Variants in FREM2 observed in about 807,000 individuals in gnomAD.
FREM2 encodes the protein FRAS1 related extracellular matrix 2.
A neutral mutation model predicts 219.9 loss-of-function variants in FREM2; 119 were observed. The ratio of observed to expected loss-of-function variants is 0.54; its 90% confidence interval spans 0.47 to 0.63. FREM2 has a LOEUF of 0.63. Among genes scored for constraint, FREM2 ranks in the 30% least tolerant of loss-of-function variants. The probability of loss-of-function intolerance (pLI) is 0.00; values close to 1 mark genes in which losing one functional copy is unlikely to be tolerated. For synonymous variants in FREM2, 1,562 were observed against 1,522.8 expected, an observed-to-expected ratio of 1.03 and a Z score of -0.60; for missense variants, 4,030 against 3,993.6, an observed-to-expected ratio of 1.01 and a Z score of -0.25.
At chr13:38,849,358 C>T (rs1877284899) in intron 8 of FREM2, among the ~76,000 whole-genome samples, 1 of 152,182 alleles carries the variant, frequency 6.6e-6, no homozygotes, top group Non-Finnish European at 1.5e-5. Flanking sequence ...ACTGCACAGA[C>T]TCCTGAGTGT....
chr13:38,727,685 G>T (rs1168667291), intron 2 of FREM2, among the ~76,000 whole-genome samples: 1 of 152,218 alleles, frequency 6.6e-6, no homozygotes, highest in Non-Finnish European at 1.5e-5. Flanking sequence ...TGTGCACCAA[G>T]TACATTACAA....
intron 8 of FREM2, 47 bp downstream of exon 8, chr13:38,848,717 A>G: frequency 6.8e-7 from 1 of 1,459,986 alleles, no homozygotes; most frequent in Non-Finnish European, 9.5e-7. Flanking sequence ...TTGAAATCAT[A>G]AGCTAAGGTT....
intron 2 of FREM2, among the ~76,000 whole-genome samples, chr13:38,705,982 G>A (rs959503738): frequency 3.9e-5 from 6 of 152,246 alleles, no homozygotes; most frequent in South Asian, 2.1e-4. Context: ...TCAATGCTAC[G>A]GAGGCTTCCA....
intron 2 of FREM2, among the ~76,000 whole-genome samples, chr13:38,704,492 A>C (rs573909103): frequency 2.6e-5 from 4 of 152,342 alleles, no homozygotes; most frequent in African/African-American, 9.6e-5. Context: ...TCCAGGTGGC[A>C]GCAAAAGCAT....
chr13:38,779,239 A>C (rs796884143), intron 4 of FREM2, among the ~76,000 whole-genome samples: 3 of 152,050 alleles, frequency 2.0e-5, no homozygotes, highest in African/African-American at 4.8e-5. Context: ...GGGTGGAGGG[A>C]AAGGGGAGGG....
intron 2 of FREM2, among the ~76,000 whole-genome samples, chr13:38,762,365 A>G (rs529990808): frequency 6.6e-6 from 1 of 152,276 alleles, no homozygotes; most frequent in East Asian, 1.9e-4. Flanking sequence ...TAGTAAGTTT[A>G]GTAAGTTTCA....
chr13:38,758,895 C>T (rs1412601862), intron 2 of FREM2, among the ~76,000 whole-genome samples: 2 of 152,150 alleles, frequency 1.3e-5, no homozygotes, highest in Non-Finnish European at 2.9e-5. Context: ...CTGCCCAGTG[C>T]AGTGGCTTAC....
At chr13:38,743,165 T>C (rs1295895707) in intron 2 of FREM2, among the ~76,000 whole-genome samples, 2 of 152,140 alleles carry the variant, frequency 1.3e-5, no homozygotes, top group African/African-American at 4.8e-5. Flanking sequence ...AAATATACAC[T>C]TGAGATATAC....
At chr13:38,712,783 G>C (rs554358322) in intron 2 of FREM2, among the ~76,000 whole-genome samples, 1 of 151,832 alleles carries the variant, frequency 6.6e-6, no homozygotes, top group East Asian at 1.9e-4. Flanking sequence ...AATTTTCCTG[G>C]TACTAGTGCC....
At chr13:38,861,664 C>T (rs1593451304) in intron 15 of FREM2, 102 bp downstream of exon 15, 1 of 1,287,604 alleles carries the variant, frequency 7.8e-7, no homozygotes, top group Admixed American at 1.7e-5. Context: ...AATAAACGTT[C>T]AATTTGCAAC....
At chr13:38,844,305 C>T (rs1054699457) in intron 6 of FREM2, among the ~76,000 whole-genome samples, 4 of 152,086 alleles carry the variant, frequency 2.6e-5, no homozygotes, top group African/African-American at 7.2e-5. Context: ...GTCTTGCTTA[C>T]GTACACACTT....
intron 3 of FREM2, among the ~76,000 whole-genome samples, chr13:38,767,801 C>T (rs572529216): frequency 6.6e-6 from 1 of 152,056 alleles, no homozygotes; most frequent in African/African-American, 2.4e-5. Flanking sequence ...GGTTCTGTGC[C>T]CTTTTTTCTC....
chr13:38,806,576 T>TA (rs1875237000), intron 6 of FREM2, among the ~76,000 whole-genome samples: 2 of 151,942 alleles, frequency 1.3e-5, no homozygotes, highest in Non-Finnish European at 2.9e-5. Flanking sequence ...ATACCTTAAA[T>TA]AAAAAATACT....
rs1566129623 is a variant in FREM2 at position 38,754,882 on chromosome 13, TGA to T, written c.5264-9421_5264-9420del. On this transcript the variant is annotated intron_variant, in intron 2 of 23. Coordinates refer to ENST00000280481, the MANE Select transcript of FREM2 (RefSeq NM_207361.6). ...AAGATGATGATGATGATGATGATGA[TGA>T]TGATGATGATGATGATGATTATTAT... Among the ~76,000 whole-genome samples, 835 of 92,666 alleles carry T rather than the reference TGA, an allele frequency of 9.0e-3. 8 individuals carry two copies. The highest frequency in any genetic ancestry group is 0.026 in the African/African-American group (692 of 26,404). 60.8% of individuals were successfully genotyped at this position (92,666 alleles called of 152,430 possible).
intron 6 of FREM2, among the ~76,000 whole-genome samples, chr13:38,842,305 G>A (rs1207162735): frequency 2.0e-5 from 3 of 152,188 alleles, no homozygotes; most frequent in Admixed American, 6.5e-5. Flanking sequence ...TTGCTTTGAG[G>A]GATGACCACT....
intron 6 of FREM2, among the ~76,000 whole-genome samples, chr13:38,794,327 C>T (rs895139211): frequency 6.6e-6 from 1 of 152,102 alleles, no homozygotes; most frequent in Non-Finnish European, 1.5e-5. Flanking sequence ...AATCTAAGAA[C>T]CAAACACATC....
chr13:38,752,054 T>TA lies in FREM2; in HGVS notation c.5264-12248dup, dbSNP rs1167864469. On this transcript the variant is annotated intron_variant, in intron 2 of 23. Transcript: ENST00000280481. ...CAACTAATTAAATAATACTACACGCTAAGCAGCAAAGCTAGCTTCGCAAAA... is the reference window on the plus strand; with the variant it reads ...CAACTAATTAAATAATACTACACGCTAAAGCAGCAAAGCTAGCTTCGCAAAA... Among the ~76,000 whole-genome samples the TA allele has an allele frequency of 2.6e-5, 4 of 152,354 alleles. No individual in the cohort carries two copies. In the East Asian group the frequency reaches 7.7e-4, roughly 29 times the overall value.
intron 4 of FREM2, among the ~76,000 whole-genome samples, chr13:38,773,705 G>A (rs1486264111): frequency 1.3e-5 from 2 of 152,108 alleles, no homozygotes; most frequent in South Asian, 2.1e-4. Flanking sequence ...GAGATTACAG[G>A]CATCAGCCAC....
At chr13:38,792,857 A>C (rs1403504534) in intron 6 of FREM2, among the ~76,000 whole-genome samples, 1 of 152,202 alleles carries the variant, frequency 6.6e-6, no homozygotes, top group Non-Finnish European at 1.5e-5. Flanking sequence ...GATAAAACAA[A>C]GTAGACAATA....
Sources: allele counts gnomAD v4.1 joint callset (sites outside exome capture counted in the v4.1 genomes callset), GRCh38; gene constraint gnomAD v4.1.1; transcripts MANE v1.5; gene names NCBI Gene and HGNC (gene_info 2026-07-23, HGNC 2026-07-21).